The following KCNJ1 variants were observed in gnomAD, a reference collection of about 807,000 sequenced individuals.
The protein encoded by KCNJ1 is potassium inwardly rectifying channel subfamily J member 1, also known as ATP-sensitive inward rectifier potassium channel 1.
In KCNJ1, 24 loss-of-function variants were observed where a neutral mutation model predicts 21.9. That is an observed-to-expected ratio of 1.10 (90% CI 0.79 to 1.54). The LOEUF (loss-of-function observed/expected upper bound fraction) is 1.54. Among genes scored for constraint, KCNJ1 ranks in the 40% most tolerant of loss-of-function variants. KCNJ1 has a pLI of 0.00. For synonymous variants in KCNJ1, 152 were observed against 160.9 expected (o/e 0.94, Z 0.42); for missense variants, 457 against 455.4 (o/e 1.00, Z -0.03).
intron 1 of KCNJ1, among the ~76,000 whole-genome samples, chr11:128,857,094 T>C (rs1249092418): frequency 6.6e-6 from 1 of 152,078 alleles, no homozygotes; most frequent in Non-Finnish European, 1.5e-5. Context: ...TCCCACCCCC[T>C]CTGCTCTGCA....
At position 128,838,038 on chromosome 11, in the gene KCNJ1, C is replaced by G. The variant is rs1459775095; in HGVS notation, c.*1087G>C. On this transcript the variant is annotated 3_prime_UTR_variant, in exon 3 of 3. Coordinates refer to ENST00000392666, the MANE Select transcript of KCNJ1 (RefSeq NM_153766.3). ...GTGCATGCACAGTTTCAGAAATTTA[C>G]TATATTAATCAACACACTGAAAACA... 1.3e-5 allele frequency: 2 copies of G among 152,422 alleles called. No individual in the cohort carries two copies. Among genetic ancestry groups the G allele is most frequent in the African/African-American group, 2.4e-5 (1 of 41,436 alleles). 9.4% of individuals were successfully genotyped at this position (152,422 alleles called of 1,614,324 possible).
At chr11:128,848,287 CA>C (rs1002326097) in intron 2 of KCNJ1, among the ~76,000 whole-genome samples, 1,472 of 48,904 alleles carry the variant, frequency 0.03, 10 homozygotes, top group African/African-American at 0.088. Context: ...GACTCCGTCT[CA>C]AAAAAAAAAA....
intron 1 of KCNJ1, among the ~76,000 whole-genome samples, chr11:128,852,220 T>C (rs1258249544): frequency 6.6e-6 from 1 of 152,222 alleles, no homozygotes. Flanking sequence ...TCATACTACG[T>C]GCAACTCCAG....
chr11:128,854,334 G>A (rs1393829445), intron 1 of KCNJ1, among the ~76,000 whole-genome samples: 2 of 152,128 alleles, frequency 1.3e-5, no homozygotes, highest in Non-Finnish European at 2.9e-5. Flanking sequence ...CATAGCCCTT[G>A]TTGTATTCCT....
intron 1 of KCNJ1, among the ~76,000 whole-genome samples, chr11:128,861,390 A>G (rs1005994072): frequency 2.6e-5 from 4 of 152,192 alleles, no homozygotes; most frequent in Admixed American, 1.3e-4. Flanking sequence ...GACATTTAGA[A>G]CAGAAAGAGA....
At chr11:128,866,620 T>C in intron 1 of KCNJ1, 1 of 641,096 alleles carries the variant, frequency 1.6e-6, no homozygotes, top group Non-Finnish European at 1.9e-6. Flanking sequence ...AATCCAAATG[T>C]ATCCATTCAG....
chr11:128,861,921 A>G (rs916818580), intron 1 of KCNJ1, among the ~76,000 whole-genome samples: 2 of 152,034 alleles, frequency 1.3e-5, no homozygotes, highest in Non-Finnish European at 2.9e-5. Flanking sequence ...CAGCCCCTTC[A>G]TAGATGAGAA....
At chr11:128,860,454 T>G (rs1943684635) in intron 1 of KCNJ1, among the ~76,000 whole-genome samples, 1 of 152,170 alleles carries the variant, frequency 6.6e-6, no homozygotes, top group African/African-American at 2.4e-5. Flanking sequence ...AGAAATGAAT[T>G]GATTTTTTTA....
chr11:128,856,688 C>T (rs1270400595), intron 1 of KCNJ1, among the ~76,000 whole-genome samples: 1 of 152,226 alleles, frequency 6.6e-6, no homozygotes, highest in Admixed American at 6.5e-5. Flanking sequence ...ACACCCACCC[C>T]CGAGTCAAGC....
intron 2 of KCNJ1, among the ~76,000 whole-genome samples, chr11:128,843,096 T>C (rs1368101706): frequency 6.6e-6 from 1 of 152,238 alleles, no homozygotes; most frequent in Non-Finnish European, 1.5e-5. Context: ...GCCAATGCTA[T>C]TGATTTATTT....
At position 128,838,958 on chromosome 11, in the gene KCNJ1, A is replaced by G. The variant is rs141347568; in HGVS notation, c.*167T>C. The G allele has an allele frequency of 1.6e-6, 1 of 641,706 alleles. No individual in the cohort carries two copies. The allele number at this position is 641,706 out of a possible 1,614,324, so 39.8% of individuals were successfully genotyped here. The stretch of plus-strand genomic sequence containing the variant: ...GTTCTAATACAGTAGCCTTGTGGAG[A>G]TGCATGTCTTGTGGGATCACAATTG... On this transcript the variant is annotated 3_prime_UTR_variant, in exon 3 of 3. Transcript: ENST00000392666.
rs138163807 is a variant in KCNJ1 at position 128,852,138 on chromosome 11, T to C, written c.-191-1248A>G. The stretch of plus-strand genomic sequence containing the variant: ...TGAAAAATGGGGGCTTTTATATCTA[T>C]CTTACAGATGGATGGAAAGAGCTTA... On this transcript the variant is annotated intron_variant, in intron 1 of 2. Transcript: ENST00000392666. 3.0e-3 allele frequency among the ~76,000 whole-genome samples: 461 copies of C among 152,354 alleles called. 2 individuals are homozygous for C. The highest frequency in any genetic ancestry group is 4.2e-3 in the Non-Finnish European group (285 of 68,040).
At chr11:128,861,034 C>A (rs973777373) in intron 1 of KCNJ1, among the ~76,000 whole-genome samples, 7 of 152,350 alleles carry the variant, frequency 4.6e-5, no homozygotes, top group African/African-American at 1.7e-4. Context: ...CTCAAGTGTC[C>A]TGCCTTCTCT....
intron 1 of KCNJ1, among the ~76,000 whole-genome samples, chr11:128,856,439 G>A (rs1434701772): frequency 1.3e-5 from 2 of 152,224 alleles, no homozygotes; most frequent in Non-Finnish European, 2.9e-5. Flanking sequence ...GGGGTGAGAG[G>A]TGCATGTGCA....
At chr11:128,842,285 G>T in intron 2 of KCNJ1, 1 of 1,312,832 alleles carries the variant, frequency 7.6e-7, no homozygotes, top group South Asian at 1.2e-5. Flanking sequence ...CCCCCTGATT[G>T]ATCACTTGAA....
intron 1 of KCNJ1, among the ~76,000 whole-genome samples, chr11:128,865,475 C>T (rs771398762): frequency 6.6e-6 from 1 of 151,974 alleles, no homozygotes; most frequent in Admixed American, 6.6e-5. Context: ...AAGAAAAAAA[C>T]CTGTATGTAT....
rs141971351 is a variant in KCNJ1, at chr11:128,858,664, C to G, written c.-191-7774G>C. Among the ~76,000 whole-genome samples, 342 of 152,328 alleles carry G rather than the reference C, an allele frequency of 2.2e-3. 1 individual carries two copies. The highest frequency in any genetic ancestry group is 3.7e-3 in the Non-Finnish European group (249 of 68,036). Reference sequence around the variant, plus strand: ...TTAACAGATCTCACTGTGTTCCAGGCGGTCTCCAGGGGTAAACTCAGTAGT... The same window carrying G: ...TTAACAGATCTCACTGTGTTCCAGGGGGTCTCCAGGGGTAAACTCAGTAGT... On this transcript the variant is annotated intron_variant, in intron 1 of 2. Coordinates refer to ENST00000392666, the MANE Select transcript of KCNJ1 (RefSeq NM_153766.3).
intron 1 of KCNJ1, among the ~76,000 whole-genome samples, chr11:128,864,429 T>A (rs1161855654): frequency 6.6e-6 from 1 of 152,170 alleles, no homozygotes; most frequent in African/African-American, 2.4e-5. Flanking sequence ...TACACTAATT[T>A]TTTTCTTCAG....
intron 1 of KCNJ1, among the ~76,000 whole-genome samples, chr11:128,852,356 A>G (rs1159261127): frequency 6.6e-6 from 1 of 152,182 alleles, no homozygotes; most frequent in East Asian, 1.9e-4. Context: ...CTTCTCAGAA[A>G]GGAGGTGAGA....
Sources: allele counts gnomAD v4.1 joint callset (sites outside exome capture counted in the v4.1 genomes callset), GRCh38; gene constraint gnomAD v4.1.1; transcripts MANE v1.5; gene names NCBI Gene and HGNC (gene_info 2026-07-23, HGNC 2026-07-21).